PDGFRL: variants seen among roughly 807,000 people sequenced by gnomAD.
PDGFRL encodes platelet derived growth factor receptor like, also known as platelet-derived growth factor receptor-like protein.
In PDGFRL, 46 loss-of-function variants were observed where a neutral mutation model predicts 37.2. That is an observed-to-expected ratio of 1.24 (90% CI 0.98 to 1.58). The LOEUF is 1.58. Ranked by LOEUF, PDGFRL falls within the 40% of genes most tolerant of loss-of-function variation. The pLI is 0.00. For missense variants in PDGFRL, 692 were observed against 467.6 expected, an observed-to-expected ratio of 1.48 and a Z score of -4.43; for synonymous variants, 251 against 184.3, an observed-to-expected ratio of 1.36 and a Z score of -2.93.
chr8:17,611,671 G>A (rs1804419818), intron 2 of PDGFRL, among the ~76,000 whole-genome samples: 1 of 152,304 alleles, frequency 6.6e-6, no homozygotes, highest in Admixed American at 6.5e-5. Flanking sequence ...GGAGAGCAAA[G>A]GAGCTGGAAT....
chr8:17,581,309 G>T (rs1239047952), intron 1 of PDGFRL, among the ~76,000 whole-genome samples: 1 of 152,186 alleles, frequency 6.6e-6, no homozygotes, highest in African/African-American at 2.4e-5. Flanking sequence ...GCTTGTACCG[G>T]TTGCCAGTGT....
At chr8:17,623,659 G>C (rs1274835536) in intron 3 of PDGFRL, among the ~76,000 whole-genome samples, 1 of 152,090 alleles carries the variant, frequency 6.6e-6, no homozygotes, top group Non-Finnish European at 1.5e-5. Context: ...CGGATCACCT[G>C]AGGTCAGGAG....
At chr8:17,610,825 C>A (rs1563518293) in intron 2 of PDGFRL, among the ~76,000 whole-genome samples, 1 of 152,082 alleles carries the variant, frequency 6.6e-6, no homozygotes, top group South Asian at 2.1e-4. Flanking sequence ...GCGGGAGATT[C>A]CCTTGAACCC....
intron 2 of PDGFRL, among the ~76,000 whole-genome samples, chr8:17,603,010 G>A (rs1410243344): frequency 6.6e-6 from 1 of 152,152 alleles, no homozygotes; most frequent in Non-Finnish European, 1.5e-5. Context: ...TGGAGACAGA[G>A]TCTTCTTTCT....
intron 2 of PDGFRL, among the ~76,000 whole-genome samples, chr8:17,619,438 A>G (rs1203182352): frequency 1.3e-5 from 2 of 152,364 alleles, no homozygotes; most frequent in Middle Eastern, 3.4e-3. Context: ...GCCATGCAAC[A>G]AGTTACAAAA....
intron 4 of PDGFRL, among the ~76,000 whole-genome samples, chr8:17,631,089 G>A (rs937058752): frequency 1.5e-4 from 23 of 152,020 alleles, no homozygotes; most frequent in African/African-American, 4.8e-4. Context: ...CTTTTGCCCC[G>A]GGCTGATGGC....
intron 1 of PDGFRL, among the ~76,000 whole-genome samples, chr8:17,580,268 G>C (rs1479601597): frequency 1.3e-5 from 2 of 152,076 alleles, no homozygotes. Flanking sequence ...GAGACACAAT[G>C]ACGAGGATTC....
In PDGFRL at chr8:17,589,773, T is replaced by G; in HGVS notation, c.353+8T>G. The G allele has an allele frequency of 7.0e-7, 1 of 1,434,202 alleles. No homozygotes were observed. The highest frequency in any genetic ancestry group is 1.3e-5 in the South Asian group (1 of 79,838). The allele number at this position is 1,434,202 out of a possible 1,614,324, so 88.8% of individuals were successfully genotyped here. On this transcript the variant is annotated splice_region_variant and intron_variant, in intron 2 of 5. Transcript: ENST00000251630. ...TAAGGATTCTCGCCTCAGGTAAGCA[T>G]TTTTTTTTAAAACTGTGTAGGGTTG...
intron 5 of PDGFRL, among the ~76,000 whole-genome samples, chr8:17,636,276 G>C (rs1157718697): frequency 6.6e-6 from 1 of 151,858 alleles, no homozygotes; most frequent in Non-Finnish European, 1.5e-5. Flanking sequence ...GATCCACCTT[G>C]AGTTGATTTT....
At chr8:17,591,418 C>T (rs865923951) in intron 2 of PDGFRL, among the ~76,000 whole-genome samples, 1 of 152,106 alleles carries the variant, frequency 6.6e-6, no homozygotes, top group South Asian at 2.1e-4. Flanking sequence ...GGGGTGTGTA[C>T]GGGGTTACAG....
In PDGFRL at chr8:17,613,370, C is replaced by T. The variant is rs555054065; in HGVS notation, c.354-7681C>T. On this transcript the variant is annotated intron_variant, in intron 2 of 5. Transcript: ENST00000251630. ...TTCCTTTGTAAAGGACCTGGATATG[C>T]TGGACAGAGGGTCAAAAAGAATGAT... 2.0e-5 allele frequency among the ~76,000 whole-genome samples: 3 copies of T among 152,214 alleles called. No homozygotes were observed. The South Asian group carries it at 6.2e-4, about 32-fold the overall frequency.
intron 2 of PDGFRL, among the ~76,000 whole-genome samples, chr8:17,617,487 C>G (rs368503538): frequency 8.5e-5 from 13 of 152,252 alleles, no homozygotes; most frequent in African/African-American, 2.6e-4. Flanking sequence ...ATCCTTGTCT[C>G]CCTTGCGTGA....
At chr8:17,633,721 A>C (rs1172732622) in intron 4 of PDGFRL, among the ~76,000 whole-genome samples, 1 of 152,136 alleles carries the variant, frequency 6.6e-6, no homozygotes, top group Non-Finnish European at 1.5e-5. Flanking sequence ...CCCTGTGGAC[A>C]CCACCACCCA....
At chr8:17,617,364 T>C (rs1804550271) in intron 2 of PDGFRL, among the ~76,000 whole-genome samples, 1 of 152,066 alleles carries the variant, frequency 6.6e-6, no homozygotes, top group African/African-American at 2.4e-5. Context: ...CCACTTAAAC[T>C]CCCCATTCGC....
At chr8:17,632,343 A>ATT (rs35632965) in intron 4 of PDGFRL, among the ~76,000 whole-genome samples, 1 of 145,020 alleles carries the variant, frequency 6.9e-6, no homozygotes, top group African/African-American at 2.5e-5. Flanking sequence ...ACTGTAGCTG[A>ATT]TTTTTTTTTT....
intron 1 of PDGFRL, among the ~76,000 whole-genome samples, chr8:17,588,218 G>A (rs1296677632): frequency 6.6e-6 from 1 of 152,144 alleles, no homozygotes; most frequent in Non-Finnish European, 1.5e-5. Flanking sequence ...CTAAATCGTT[G>A]CTACAGTTAC....
intron 1 of PDGFRL, among the ~76,000 whole-genome samples, chr8:17,587,565 A>G (rs1803843244): frequency 1.3e-5 from 2 of 151,906 alleles, no homozygotes; most frequent in South Asian, 4.1e-4. Flanking sequence ...TTTTTTTGAG[A>G]GAGAGTCTTG....
intron 4 of PDGFRL, among the ~76,000 whole-genome samples, chr8:17,633,052 G>C (rs1804895238): frequency 6.6e-6 from 1 of 152,090 alleles, no homozygotes; most frequent in African/African-American, 2.4e-5. Flanking sequence ...CCGCCCCTTT[G>C]CTAGAATACA....
intron 2 of PDGFRL, among the ~76,000 whole-genome samples, chr8:17,600,470 G>A (rs1462783338): frequency 6.6e-6 from 1 of 151,992 alleles, no homozygotes; most frequent in South Asian, 2.1e-4. Flanking sequence ...CTGAGCTCCA[G>A]ACTGAGCTAC....
Sources: allele counts gnomAD v4.1 joint callset (sites outside exome capture counted in the v4.1 genomes callset), GRCh38; gene constraint gnomAD v4.1.1; transcripts MANE v1.5; gene names NCBI Gene and HGNC (gene_info 2026-07-23, HGNC 2026-07-21).